USP13: variants seen among roughly 807,000 people sequenced by gnomAD.
USP13 encodes the protein ubiquitin specific peptidase 13, also known as ubiquitin carboxyl-terminal hydrolase 13.
In USP13, 68 loss-of-function variants were observed where a neutral mutation model predicts 107.8. That is an observed-to-expected ratio of 0.63 (90% confidence interval 0.52 to 0.77). USP13 has a LOEUF of 0.77. USP13 is among the 30% of genes least tolerant of loss of function. The pLI, the probability that USP13 is intolerant of heterozygous loss-of-function variation, is 0.00. For missense variants in USP13, 945 were observed against 1,093.3 expected (o/e 0.86, Z 1.91); for synonymous variants, 377 against 389.5 (o/e 0.97, Z 0.38).
intron 5 of USP13, 88 bp from the exon 6 acceptor site, chr3:179,708,685 C>G (rs1438544783): frequency 2.7e-6 from 4 of 1,492,222 alleles, no homozygotes; most frequent in South Asian, 1.2e-5. Context: ...TTGTTGTGAC[C>G]TGCCTACTTG....
intron 16 of USP13, among the ~76,000 whole-genome samples, chr3:179,759,139 G>C (rs985652974): frequency 1.3e-5 from 2 of 151,598 alleles, no homozygotes; most frequent in African/African-American, 2.4e-5. Flanking sequence ...GCACCACCAC[G>C]CCTGGCTAAT....
intron 1 of USP13, among the ~76,000 whole-genome samples, chr3:179,672,264 G>T (rs1167089388): frequency 6.6e-6 from 1 of 152,072 alleles, no homozygotes; most frequent in East Asian, 1.9e-4. Context: ...GTACATAGAG[G>T]GATACAATAC....
intron 2 of USP13, among the ~76,000 whole-genome samples, chr3:179,687,510 T>C (rs1311892666): frequency 1.3e-5 from 2 of 150,590 alleles, no homozygotes; most frequent in African/African-American, 4.9e-5. Context: ...AAATACAAAA[T>C]CAGCTGGGCA....
Position 179,784,266 on chromosome 3 carries a change from T to A in USP13, c.*125T>A. ...ATATATGGGGTATTTATCGTTTATT[T>A]AAAGAGCACGATCAGTTGACACCTT... On this transcript the variant is annotated 3_prime_UTR_variant, in exon 21 of 21. Coordinates refer to ENST00000263966, the MANE Select transcript of USP13 (RefSeq NM_003940.3). 1.4e-6 allele frequency: 1 copy of A among 721,400 alleles called. No homozygotes were observed. Among genetic ancestry groups the A allele is most frequent in the Non-Finnish European group, 2.3e-6 (1 of 437,782 alleles). 44.7% of individuals were successfully genotyped at this position (721,400 alleles called of 1,614,324 possible).
intron 1 of USP13, among the ~76,000 whole-genome samples, chr3:179,672,224 T>C (rs1017862807): frequency 2.0e-5 from 3 of 152,222 alleles, no homozygotes; most frequent in Non-Finnish European, 4.4e-5. Context: ...ATAAAATCAG[T>C]GACTTTGTCT....
At chr3:179,680,367 A>AT (rs1711609616) in intron 1 of USP13, among the ~76,000 whole-genome samples, 1 of 152,062 alleles carries the variant, frequency 6.6e-6, no homozygotes, top group African/African-American at 2.4e-5. Flanking sequence ...AGATTTTTAA[A>AT]TTTTTTGGAT....
chr3:179,781,516 G>A (rs571577067), intron 19 of USP13, among the ~76,000 whole-genome samples: 3 of 145,562 alleles, frequency 2.1e-5, no homozygotes, highest in Admixed American at 1.4e-4. Flanking sequence ...AACATCAGCT[G>A]TGCTTTGATA....
chr3:179,778,240 T>A (rs1287387662), intron 19 of USP13, among the ~76,000 whole-genome samples: 2 of 152,188 alleles, frequency 1.3e-5, no homozygotes, highest in Non-Finnish European at 2.9e-5. Flanking sequence ...CAAAAATATA[T>A]ACACTATAAG....
Position 179,742,590 on chromosome 3 carries a change from A to G in USP13, c.1534+240A>G, listed in dbSNP as rs1453087796. On this transcript the variant is annotated intron_variant, in intron 12 of 20. Transcript: ENST00000263966. This position sits in a 1 kb window ranked among gnomAD's most constrained non-coding sequence, Gnocchi z 5.0. Reference sequence around the variant, plus strand: ...GGTTGGAACCTACGTCACTGCCTATAAATTTGGCCAACTACTGAATATGGA... The same window carrying G: ...GGTTGGAACCTACGTCACTGCCTATGAATTTGGCCAACTACTGAATATGGA... Among the ~76,000 whole-genome samples the G allele has an allele frequency of 6.6e-6, 1 of 152,212 alleles. No homozygotes were observed. The highest frequency in any genetic ancestry group is 1.5e-5 in the Non-Finnish European group (1 of 68,030).
chr3:179,685,690 C>T (rs912067719), intron 2 of USP13, among the ~76,000 whole-genome samples: 1 of 151,328 alleles, frequency 6.6e-6, no homozygotes, highest in African/African-American at 2.4e-5. Flanking sequence ...TGCTCAGGGT[C>T]ACAAAGTTAG....
At chr3:179,658,398 T>C (rs1414251159) in intron 1 of USP13, among the ~76,000 whole-genome samples, 2 of 152,180 alleles carry the variant, frequency 1.3e-5, no homozygotes, top group Non-Finnish European at 2.9e-5. Context: ...ACAGCGGTTC[T>C]AGTCTGTCCT....
chr3:179,737,823 C>G (rs2268933), intron 10 of USP13, among the ~76,000 whole-genome samples: 6 of 152,140 alleles, frequency 3.9e-5, no homozygotes, highest in South Asian at 4.1e-4. Flanking sequence ...CTCTGTTGTC[C>G]GTAAGCTCCT....
intron 19 of USP13, among the ~76,000 whole-genome samples, chr3:179,779,997 T>A (rs906331096): frequency 3.3e-5 from 5 of 152,138 alleles, no homozygotes; most frequent in Admixed American, 1.3e-4. Flanking sequence ...TCCTGAGTTA[T>A]TGGAAGAATG....
intron 3 of USP13, among the ~76,000 whole-genome samples, chr3:179,691,766 T>G (rs1479517276): frequency 6.6e-6 from 1 of 152,244 alleles, no homozygotes; most frequent in Non-Finnish European, 1.5e-5. Flanking sequence ...AGTGTTTGAC[T>G]AATGGTGATT....
intron 19 of USP13, among the ~76,000 whole-genome samples, chr3:179,778,882 G>T (rs1275307350): frequency 1.3e-5 from 2 of 152,148 alleles, no homozygotes; most frequent in Non-Finnish European, 2.9e-5. Flanking sequence ...TGGAAGGAGG[G>T]TTACTATTTA....
chr3:179,665,861 C>A (rs1720571518), intron 1 of USP13, among the ~76,000 whole-genome samples: 1 of 152,250 alleles, frequency 6.6e-6, no homozygotes, highest in Non-Finnish European at 1.5e-5. Flanking sequence ...GCTGGGATTA[C>A]AGGCATGAGC....
rs184560335 is a variant in USP13, at chr3:179,717,742, A to G, written c.806-2198A>G. ...AAATACTGTTGATGTATTTGTTTCA[A>G]TTTATTAGTTCAAAGGTTTTTGCTT... On this transcript the variant is annotated intron_variant, in intron 6 of 20. Transcript: ENST00000263966. 1.8e-4 allele frequency among the ~76,000 whole-genome samples: 27 copies of G among 152,268 alleles called. No individual in the cohort carries two copies. The South Asian group carries it at 2.3e-3, about 13-fold the overall frequency.
intron 3 of USP13, among the ~76,000 whole-genome samples, chr3:179,698,195 A>G (rs1712388104): frequency 6.6e-6 from 1 of 152,176 alleles, no homozygotes; most frequent in South Asian, 2.1e-4. Context: ...CTGAATACTC[A>G]GATTTCACAG....
At chr3:179,761,600 T>A (rs183226470) in intron 17 of USP13, among the ~76,000 whole-genome samples, 2 of 152,258 alleles carry the variant, frequency 1.3e-5, no homozygotes, top group East Asian at 3.9e-4. Context: ...TGCGTACCTG[T>A]AGTCCCAGCT....
Sources: gnomAD v4.1 joint callset for allele counts (sites outside exome capture counted in the v4.1 genomes callset) on GRCh38, gnomAD v4.1.1 for gene constraint, Gnocchi (gnomAD v3.1) non-coding constraint, MANE v1.5 for transcripts, NCBI Gene and HGNC (gene_info 2026-07-23, HGNC 2026-07-21) for gene names.